Variants in HMGN5 observed in about 807,000 individuals in gnomAD.
HMGN5 encodes the protein high mobility group nucleosome-binding domain-containing protein 5.
Under a neutral mutation model 9.5 loss-of-function variants are expected in HMGN5, and 4 were observed. That is an observed-to-expected ratio of 0.42 (90% CI 0.21 to 0.96). The LOEUF (loss-of-function observed/expected upper bound fraction) is 0.96. Ranked by LOEUF, HMGN5 falls within the 40% of genes least tolerant of loss-of-function variation. The pLI, the probability that HMGN5 is intolerant of heterozygous loss-of-function variation, is 0.30. For synonymous variants in HMGN5, 55 were observed against 57.1 expected (o/e 0.96, Z 0.16); for missense variants, 192 against 187.5 (o/e 1.02, Z -0.14).
At chrX:81,115,975 T>A (rs944566021) in intron 6 of HMGN5, among the ~76,000 whole-genome samples, 15 of 112,011 alleles carry the variant, frequency 1.3e-4, no homozygotes, top group African/African-American at 4.5e-4. Flanking sequence ...TCATAATCAT[T>A]GGCATTGTTC....
chrX:81,159,581 A>G (rs951713345), intron 1 of HMGN5, among the ~76,000 whole-genome samples: 1 of 111,069 alleles, frequency 9.0e-6, no homozygotes, highest in African/African-American at 3.3e-5. Flanking sequence ...TGAATCAATA[A>G]CCATTTGAGC....
At position 81,114,350 on chromosome X, in the gene HMGN5, A is replaced by G. The variant is rs751642486; in HGVS notation, c.*299T>C. The G allele has an allele frequency of 2.5e-5, 4 of 160,475 alleles. No individual in the cohort carries two copies. Among genetic ancestry groups the G allele is most frequent in the Admixed American group, 1.6e-4 (2 of 12,188 alleles). 13.2% of individuals were successfully genotyped at this position (160,475 alleles called of 1,213,427 possible). On this transcript the variant is annotated 3_prime_UTR_variant, in exon 7 of 7. Coordinates refer to ENST00000358130, the MANE Select transcript of HMGN5 (RefSeq NM_030763.3). The stretch of plus-strand genomic sequence containing the variant: ...CTCACTTTATGAAATTATCACATGT[A>G]TAAAAGAGTAAAATTAAAATTCAAA...
intron 1 of HMGN5, among the ~76,000 whole-genome samples, chrX:81,147,531 A>G (rs1258970697): frequency 8.9e-6 from 1 of 112,009 alleles, no homozygotes; most frequent in African/African-American, 3.2e-5. Flanking sequence ...TATCATACTA[A>G]GTGGGCAAAA....
chrX:81,180,615 G>A (rs151162272), intron 1 of HMGN5, among the ~76,000 whole-genome samples: 2,160 of 111,828 alleles, frequency 0.019, 49 homozygotes, highest in African/African-American at 0.066. Flanking sequence ...GTGTAAATTA[G>A]TTCAACCATT....
At position 81,121,676 on chromosome X, in the gene HMGN5, GAA is replaced by G. The variant is rs60170251; in HGVS notation, c.-123-6_-123-5del. ...GCAGCACGACCTGTACTCTCCTCTG[GAA>G]AAAAAAAAAATCCCTCGTTATTGGC... On this transcript the variant is annotated splice_region_variant and splice_polypyrimidine_tract_variant and intron_variant, in intron 1 of 6. Transcript: ENST00000358130. 89 of 337,486 alleles carry G rather than the reference GAA, an allele frequency of 2.6e-4. No homozygotes were observed. Among genetic ancestry groups the G allele is most frequent in the South Asian group, 7.2e-4 (10 of 13,876 alleles). The allele number at this position is 337,486 out of a possible 1,213,427, so 27.8% of individuals were successfully genotyped here.
At chrX:81,123,889 G>C (rs1053538740) in intron 1 of HMGN5, among the ~76,000 whole-genome samples, 2 of 112,175 alleles carry the variant, frequency 1.8e-5, no homozygotes, top group Non-Finnish European at 3.8e-5. Flanking sequence ...TGAGGAAGTG[G>C]AATTTGGCTT....
intron 1 of HMGN5, among the ~76,000 whole-genome samples, chrX:81,159,085 G>C (rs2075391761): frequency 9.0e-6 from 1 of 111,548 alleles, no homozygotes; most frequent in Non-Finnish European, 1.9e-5. Flanking sequence ...TCTTTGCTGG[G>C]ACATGGATAG....
At position 81,194,628 on chromosome X, in the gene HMGN5, C is replaced by T. The variant is rs768344114; in HGVS notation, c.-124+7109G>A. 5.4e-5 allele frequency among the ~76,000 whole-genome samples: 6 copies of T among 111,926 alleles called. No individual in the cohort carries two copies. The South Asian group carries it at 1.9e-3, about 35-fold the overall frequency. On this transcript the variant is annotated intron_variant, in intron 1 of 6. Transcript: ENST00000358130. ...GGACCTTACACTACTTTATACAATG[C>T]TAGTCATACCATTCTTGGATTATGA...
At chrX:81,198,961 T>C (rs763469842) in intron 1 of HMGN5, among the ~76,000 whole-genome samples, 53 of 111,912 alleles carry the variant, frequency 4.7e-4, no homozygotes, top group Non-Finnish European at 8.5e-4. Flanking sequence ...CATGACATGA[T>C]TGTATACTTA....
At chrX:81,150,356 G>A (rs1372840220) in intron 1 of HMGN5, among the ~76,000 whole-genome samples, 1 of 111,199 alleles carries the variant, frequency 9.0e-6, no homozygotes, top group Non-Finnish European at 1.9e-5. Flanking sequence ...CTGAGGTCAG[G>A]AGTTTGAGAC....
Position 81,114,301 on chromosome X carries a change from G to T in HMGN5, c.*348C>A, listed in dbSNP as rs895857729. ...AGCAACCTGCAGAACAAGAATGTTGGATGAAACTCTTTTTTTGGGATCCCT... is the reference window on the plus strand; with the variant it reads ...AGCAACCTGCAGAACAAGAATGTTGTATGAAACTCTTTTTTTGGGATCCCT... On this transcript the variant is annotated 3_prime_UTR_variant, in exon 7 of 7. Coordinates refer to ENST00000358130, the MANE Select transcript of HMGN5 (RefSeq NM_030763.3). 1.6e-5 allele frequency: 2 copies of T among 125,345 alleles called. No individual in the cohort carries two copies. The highest frequency in any genetic ancestry group is 6.3e-5 in the African/African-American group (2 of 31,527). 10.3% of individuals were successfully genotyped at this position (125,345 alleles called of 1,213,427 possible).
In HMGN5 at chrX:81,115,148, T is replaced by G. The variant is rs2075249778; in HGVS notation, c.350A>C (p.Glu117Ala). The change falls in exon 7 of 7, where the codon GAA becomes GCA. Residue 117 changes from glutamate to alanine, a missense_variant. Glu to Ala is a moderately radical substitution (Grantham distance 107). Transcript: ENST00000358130. ...ATTTTTTACTTCTGCTGCCACTGCT[T>G]CTTTCTTTTCTCCTCCCTTTTCTGT... ...DATEKGGEKK[E>A]AVAAEVKNEE... is the part of the protein sequence containing the mutation. 1 of 1,166,850 alleles carries G rather than the reference T, an allele frequency of 8.6e-7. No individual in the cohort carries two copies. The highest frequency in any genetic ancestry group is 2.5e-5 in the Admixed American group (1 of 39,796).
At chrX:81,187,115 G>A (rs1305964941) in intron 1 of HMGN5, among the ~76,000 whole-genome samples, 1 of 111,808 alleles carries the variant, frequency 8.9e-6, no homozygotes, top group African/African-American at 3.2e-5. Context: ...TTTTGTGACT[G>A]TACATATGGT....
At position 81,140,359 on chromosome X, in the gene HMGN5, G is replaced by A. The variant is rs962689282; in HGVS notation, c.-123-18687C>T. ...GCGGATCACGAGGTCAGGAGATTGA[G>A]ACCATCCTGGCTAACAAGGTGAAAC... On this transcript the variant is annotated intron_variant, in intron 1 of 6. Transcript: ENST00000358130. 2.7e-5 allele frequency among the ~76,000 whole-genome samples: 3 copies of A among 110,300 alleles called. 1 individual carries two copies. The Middle Eastern group carries it at 0.014, about 523-fold the overall frequency.
At chrX:81,171,310 G>A (rs925200627) in intron 1 of HMGN5, among the ~76,000 whole-genome samples, 1 of 111,415 alleles carries the variant, frequency 9.0e-6, no homozygotes, top group Non-Finnish European at 1.9e-5. Context: ...AAAATGAATA[G>A]GACTGAAGTT....
rs188928445 is a variant in HMGN5 at position 81,191,137 on chromosome X, A to G, written c.-124+10600T>C. On this transcript the variant is annotated intron_variant, in intron 1 of 6. Coordinates refer to ENST00000358130, the MANE Select transcript of HMGN5 (RefSeq NM_030763.3). ...TTACATATTGATCTTGCAGGCAGTT[A>G]TCTTGCTCAAACAATTTATTATTTA... is the stretch of plus-strand genomic sequence containing the variant. Among the ~76,000 whole-genome samples the G allele has an allele frequency of 3.6e-5, 4 of 112,275 alleles. No homozygotes were observed. In the East Asian group the frequency reaches 1.1e-3, roughly 31 times the overall value.
intron 1 of HMGN5, among the ~76,000 whole-genome samples, chrX:81,186,469 T>C (rs2075477825): frequency 8.9e-6 from 1 of 111,930 alleles, no homozygotes; most frequent in African/African-American, 3.2e-5. Flanking sequence ...TATTTCAACA[T>C]TGATTTTATT....
intron 1 of HMGN5, among the ~76,000 whole-genome samples, chrX:81,160,991 T>G (rs1173313188): frequency 9.0e-6 from 1 of 111,051 alleles, no homozygotes; most frequent in Non-Finnish European, 1.9e-5. Context: ...GATAGACAAT[T>G]ATAAAATTTC....
At chrX:81,179,288 T>C (rs1190988251) in intron 1 of HMGN5, among the ~76,000 whole-genome samples, 8 of 111,816 alleles carry the variant, frequency 7.2e-5, no homozygotes, top group Non-Finnish European at 1.5e-4. Flanking sequence ...GACATGATTG[T>C]ATATTTGGAA....
Sources: allele counts gnomAD v4.1 joint callset (sites outside exome capture counted in the v4.1 genomes callset), GRCh38; gene constraint gnomAD v4.1.1; transcripts MANE v1.5; gene names NCBI Gene and HGNC (gene_info 2026-07-23, HGNC 2026-07-21).